MSRA: variants seen among roughly 807,000 people sequenced by gnomAD.
MSRA encodes the protein methionine sulfoxide reductase A.
MSRA carries 54 observed loss-of-function variants against 31.3 expected under a neutral mutation model. That is an observed-to-expected ratio of 1.73 (90% CI 1.39 to 2.17). The LOEUF (loss-of-function observed/expected upper bound fraction) is 2.17, where lower values mean the gene tolerates loss of function less well. MSRA is among the 30% of genes most tolerant of loss of function. The probability of loss-of-function intolerance (pLI) is 0.00; values close to 1 mark genes in which losing one functional copy is unlikely to be tolerated. For synonymous variants in MSRA, 169 were observed against 116.5 expected (o/e 1.45, Z -2.90); for missense variants, 507 against 300.9 (o/e 1.69, Z -5.07).
rs995692481 is a variant in MSRA at position 10,305,432 on chromosome 8, C to T, written c.436+3794C>T. Among the ~76,000 whole-genome samples, 6 of 115,044 alleles carry T rather than the reference C, an allele frequency of 5.2e-5. No homozygotes were observed. The South Asian group carries it at 8.3e-4, about 16-fold the overall frequency. 75.5% of individuals were successfully genotyped at this position (115,044 alleles called of 152,430 possible). ...TCCTTTTTTTTTTTTTTTTTTTTTCCGGATGGAGTCTTGCTCTGTTGCCTA... is the reference window on the plus strand; with the variant it reads ...TCCTTTTTTTTTTTTTTTTTTTTTCTGGATGGAGTCTTGCTCTGTTGCCTA... On this transcript the variant is annotated intron_variant, in intron 4 of 5. Transcript: ENST00000317173.
At chr8:10,074,341 C>G (rs1352176583) in intron 1 of MSRA, among the ~76,000 whole-genome samples, 1 of 151,972 alleles carries the variant, frequency 6.6e-6, no homozygotes, top group Non-Finnish European at 1.5e-5. Context: ...CTCGGCCTCC[C>G]AAAGTGCTGG....
chr8:10,411,123 T>C (rs1227844512), intron 5 of MSRA: 2 of 152,188 alleles, frequency 1.3e-5, no homozygotes, highest in African/African-American at 4.8e-5. Flanking sequence ...CTCTTTGTTA[T>C]TCTCTTGGCA....
At chr8:10,217,162 G>A (rs1236582008) in intron 2 of MSRA, among the ~76,000 whole-genome samples, 3 of 152,200 alleles carry the variant, frequency 2.0e-5, no homozygotes, top group Non-Finnish European at 4.4e-5. Context: ...GTACACGTTT[G>A]GGGGAATCAC....
At chr8:10,192,201 T>C (rs1173528286) in intron 1 of MSRA, among the ~76,000 whole-genome samples, 1 of 152,230 alleles carries the variant, frequency 6.6e-6, no homozygotes, top group Non-Finnish European at 1.5e-5. Context: ...ACTCCTGTTG[T>C]GTTCTGTTTA....
intron 5 of MSRA, among the ~76,000 whole-genome samples, chr8:10,344,063 A>G (rs568657586): frequency 1.3e-5 from 2 of 152,306 alleles, no homozygotes; most frequent in South Asian, 2.1e-4. Context: ...CTGACATAAG[A>G]TCCATATCTC....
At chr8:10,355,466 G>T (rs1317527132) in intron 5 of MSRA, among the ~76,000 whole-genome samples, 1 of 152,154 alleles carries the variant, frequency 6.6e-6, no homozygotes, top group Non-Finnish European at 1.5e-5. Context: ...TCAAAATTCT[G>T]GAGATTTCTG....
intron 3 of MSRA, among the ~76,000 whole-genome samples, chr8:10,259,692 C>G (rs1798368658): frequency 6.6e-6 from 1 of 152,130 alleles, no homozygotes. Flanking sequence ...AAACCCAGGA[C>G]TAGGGTTTCC....
chr8:10,183,957 G>C (rs1806787790), intron 1 of MSRA, among the ~76,000 whole-genome samples: 1 of 146,156 alleles, frequency 6.8e-6, no homozygotes, highest in Non-Finnish European at 1.5e-5. Flanking sequence ...TGGTGGTATT[G>C]GTAGTGATGG....
At chr8:10,258,907 G>A (rs1333060273) in intron 3 of MSRA, among the ~76,000 whole-genome samples, 1 of 152,200 alleles carries the variant, frequency 6.6e-6, no homozygotes, top group Non-Finnish European at 1.5e-5. Flanking sequence ...AGGAGTTTGA[G>A]ACCAGCCTGG....
chr8:10,143,978 A>G (rs1210224644), intron 1 of MSRA, among the ~76,000 whole-genome samples: 3 of 152,094 alleles, frequency 2.0e-5, no homozygotes, highest in Non-Finnish European at 2.9e-5. Context: ...CCTGTTGAGG[A>G]TGTTCTGTGG....
At chr8:10,165,096 G>A (rs1481082410) in intron 1 of MSRA, among the ~76,000 whole-genome samples, 4 of 152,114 alleles carry the variant, frequency 2.6e-5, no homozygotes, top group South Asian at 2.1e-4. Flanking sequence ...AGTGAAGTCC[G>A]GGTGTTAATA....
intron 3 of MSRA, among the ~76,000 whole-genome samples, chr8:10,295,799 C>T (rs970881179): frequency 6.6e-6 from 1 of 152,128 alleles, no homozygotes; most frequent in Non-Finnish European, 1.5e-5. Flanking sequence ...GGTGCCTCTG[C>T]CCTCTCCCAG....
chr8:10,307,171 T>G (rs1801185003), intron 4 of MSRA, among the ~76,000 whole-genome samples: 2 of 388 alleles, frequency 5.2e-3, no homozygotes, highest in African/African-American at 7.6e-3. Flanking sequence ...GGATGCACAT[T>G]TTTTTTTTTT....
chr8:10,271,718 CTTTTT>C (rs11301253), intron 3 of MSRA, among the ~76,000 whole-genome samples: 1 of 136,128 alleles, frequency 7.3e-6, no homozygotes. Context: ...CATGGGTAGT[CTTTTT>C]TTTTTTTTTT....
intron 3 of MSRA, among the ~76,000 whole-genome samples, chr8:10,292,424 G>A (rs751694997): frequency 2.6e-5 from 4 of 152,232 alleles, no homozygotes; most frequent in Non-Finnish European, 4.4e-5. Context: ...GCACCGCATG[G>A]GACTGATCCC....
intron 3 of MSRA, among the ~76,000 whole-genome samples, chr8:10,264,166 T>C (rs541500840): frequency 1.3e-5 from 2 of 152,186 alleles, no homozygotes; most frequent in Admixed American, 6.5e-5. Flanking sequence ...GCCAGTCTTT[T>C]TGTGAAAGTC....
chr8:10,126,754 T>A (rs1210159915), intron 1 of MSRA, among the ~76,000 whole-genome samples: 3 of 152,222 alleles, frequency 2.0e-5, no homozygotes, highest in Admixed American at 1.3e-4. Context: ...GCTCAAGTGA[T>A]CCACTCGCCT....
intron 3 of MSRA, among the ~76,000 whole-genome samples, chr8:10,259,123 G>A (rs768268811): frequency 6.6e-6 from 1 of 151,748 alleles, no homozygotes; most frequent in Non-Finnish European, 1.5e-5. Context: ...AAAAAAAGAG[G>A]CAGATATATA....
At chr8:10,200,548 T>C (rs999462023) in intron 1 of MSRA, among the ~76,000 whole-genome samples, 1 of 152,146 alleles carries the variant, frequency 6.6e-6, no homozygotes, top group Admixed American at 6.5e-5. Context: ...GGTTGTCGCT[T>C]GCCTTCCAGG....
Sources: gnomAD v4.1 joint callset for allele counts (sites outside exome capture counted in the v4.1 genomes callset) on GRCh38, gnomAD v4.1.1 for gene constraint, MANE v1.5 for transcripts, NCBI Gene and HGNC (gene_info 2026-07-23, HGNC 2026-07-21) for gene names.